Variants in TMC7 observed in about 807,000 individuals in gnomAD.
TMC7 encodes the protein transmembrane channel-like protein 7.
A neutral mutation model predicts 82.9 loss-of-function variants in TMC7; 54 were observed. The ratio of observed to expected loss-of-function variants is 0.65; its 90% CI spans 0.52 to 0.82. The LOEUF is 0.82. Ranked by LOEUF, TMC7 falls within the 40% of genes least tolerant of loss-of-function variation. The pLI, the probability that TMC7 is intolerant of heterozygous loss-of-function variation, is 0.00. For missense variants in TMC7, 820 were observed against 901.2 expected (o/e 0.91, Z 1.15); for synonymous variants, 350 against 337.9 (o/e 1.04, Z -0.39).
At chr16:19,018,379 C>G (rs755529132) in intron 3 of TMC7, among the ~76,000 whole-genome samples, 11 of 152,134 alleles carry the variant, frequency 7.2e-5, no homozygotes, top group Non-Finnish European at 1.6e-4. Context: ...TTTGGAGGCT[C>G]GAACAGGCCT....
At chr16:19,034,698 G>A (rs1377558424) in intron 6 of TMC7, among the ~76,000 whole-genome samples, 1 of 152,098 alleles carries the variant, frequency 6.6e-6, no homozygotes, top group Non-Finnish European at 1.5e-5. Context: ...ATTATAAAGG[G>A]GTTATTTGAG....
intron 1 of TMC7, among the ~76,000 whole-genome samples, chr16:19,002,234 C>CTTTTT (rs558887362): frequency 7.9e-6 from 1 of 127,104 alleles, no homozygotes; most frequent in Non-Finnish European, 1.7e-5. Context: ...TGGAGGGCCG[C>CTTTTT]TTTTTTTTTT....
chr16:18,991,614 A>G (rs1323306409), intron 1 of TMC7, among the ~76,000 whole-genome samples: 4 of 152,108 alleles, frequency 2.6e-5, no homozygotes, highest in Admixed American at 6.6e-5. Context: ...ACTTTAAGTT[A>G]TAGGGTACAT....
At chr16:19,041,493 A>G (rs1419133490) in intron 9 of TMC7, among the ~76,000 whole-genome samples, 1 of 151,876 alleles carries the variant, frequency 6.6e-6, no homozygotes, top group Non-Finnish European at 1.5e-5. Flanking sequence ...AGCCTCTCAA[A>G]TAGCTGGGAC....
intron 14 of TMC7, among the ~76,000 whole-genome samples, chr16:19,058,740 CTG>C (rs111227686): frequency 0.011 from 1,712 of 152,284 alleles, 18 homozygotes; most frequent in Middle Eastern, 0.051. Flanking sequence ...GGGTCTGGCT[CTG>C]TTGCCCAGTC....
chr16:19,003,144 A>T (rs1216759463), intron 1 of TMC7, among the ~76,000 whole-genome samples: 2 of 152,090 alleles, frequency 1.3e-5, no homozygotes, highest in Non-Finnish European at 2.9e-5. Flanking sequence ...CAGCCTAGGC[A>T]ACAAAGCAAG....
Position 18,996,635 on chromosome 16 carries a change from AG to A in TMC7, c.67+12510del. ...TGAGAACACAGGCTAAGGGAGAAGA[AG>A]GGGGAATGGAGGGCGGAAGGTTGCC... is the stretch of plus-strand genomic sequence containing the variant. On this transcript the variant is annotated intron_variant, in intron 1 of 15. Coordinates refer to ENST00000304381, the MANE Select transcript of TMC7 (RefSeq NM_024847.4). 2.6e-5 allele frequency among the ~76,000 whole-genome samples: 4 copies of A among 152,280 alleles called. No homozygotes were observed. In the Middle Eastern group the frequency reaches 0.014, roughly 518 times the overall value.
intron 2 of TMC7, among the ~76,000 whole-genome samples, chr16:19,011,711 C>G (rs1036141619): frequency 1.3e-5 from 2 of 152,056 alleles, no homozygotes; most frequent in African/African-American, 2.4e-5. Context: ...GAGTAAGACC[C>G]TGTCTCTATG....
chr16:19,035,715 G>A lies in TMC7; in HGVS notation c.897G>A (p.Glu299=). 2 of 1,614,162 alleles carry A rather than the reference G, an allele frequency of 1.2e-6. No individual in the cohort carries two copies. Among genetic ancestry groups the A allele is most frequent in the South Asian group, 1.1e-5 (1 of 91,078 alleles). ...TCAAAATCAACCTGATTCGGAGTGA[G>A]GAGCACTTTCAGAGTTACTGCAACA... is the stretch of plus-strand genomic sequence containing the variant. ...EGFKINLIRS[E]EHFQSYCNKI... is the part of the protein sequence containing the mutation. Residue 299 remains glutamate (E), a synonymous_variant, in exon 7 of 16, where the codon GAG becomes GAA. Transcript: ENST00000304381.
At chr16:18,988,984 G>A (rs1192399767) in intron 1 of TMC7, among the ~76,000 whole-genome samples, 1 of 151,566 alleles carries the variant, frequency 6.6e-6, no homozygotes, top group Non-Finnish European at 1.5e-5. Context: ...CGGGAGCAGA[G>A]GTTGCTTGCA....
At position 19,016,430 on chromosome 16, in the gene TMC7, T is replaced by C. The variant is rs754577151; in HGVS notation, c.312-20T>C. On this transcript the variant is annotated intron_variant, in intron 2 of 15. Transcript: ENST00000304381. The stretch of plus-strand genomic sequence containing the variant: ...GATGCTGCTGTTGTTGTCATTGTCA[T>C]GATCATGTTTTCCATGCAGGGACAT... 1.9e-6 allele frequency: 3 copies of C among 1,613,652 alleles called. No homozygotes were observed. The highest frequency in any genetic ancestry group is 4.5e-5 in the East Asian group (2 of 44,864).
chr16:19,025,897 A>C lies in TMC7; in HGVS notation c.711+2702A>C, dbSNP rs1960203012. 2.0e-5 allele frequency among the ~76,000 whole-genome samples: 3 copies of C among 151,946 alleles called. No individual in the cohort carries two copies. The South Asian group carries it at 6.3e-4, about 32-fold the overall frequency. ...AAGCCTCCGAAGTAGCTGGGACTAC[A>C]GGTGCATACCCCCATGCCCAGCTAA... On this transcript the variant is annotated intron_variant, in intron 5 of 15. Coordinates refer to ENST00000304381, the MANE Select transcript of TMC7 (RefSeq NM_024847.4).
intron 11 of TMC7, among the ~76,000 whole-genome samples, chr16:19,046,583 C>T (rs1299687554): frequency 6.6e-6 from 1 of 152,136 alleles, no homozygotes; most frequent in Non-Finnish European, 1.5e-5. Flanking sequence ...CACCCATAAT[C>T]CTAGCACTGG....
At chr16:18,990,121 C>T (rs1015460737) in intron 1 of TMC7, among the ~76,000 whole-genome samples, 4 of 151,858 alleles carry the variant, frequency 2.6e-5, no homozygotes, top group African/African-American at 7.3e-5. Context: ...TTGCAAAGAA[C>T]CTTCTTAAGG....
intron 3 of TMC7, 26 bp downstream of exon 3, chr16:19,016,624 G>T (rs759261005): frequency 1.2e-6 from 2 of 1,608,292 alleles, no homozygotes; most frequent in Non-Finnish European, 1.7e-6. Context: ...CTCTCTGCAG[G>T]CTCCTCCGCA....
At chr16:19,018,470 A>G (rs1421385158) in intron 3 of TMC7, among the ~76,000 whole-genome samples, 1 of 151,982 alleles carries the variant, frequency 6.6e-6, no homozygotes, top group Non-Finnish European at 1.5e-5. Flanking sequence ...TTTTATAAGG[A>G]CACTAATCCC....
intron 12 of TMC7, among the ~76,000 whole-genome samples, chr16:19,048,946 T>C (rs1433986579): frequency 6.6e-6 from 1 of 152,162 alleles, no homozygotes; most frequent in East Asian, 1.9e-4. Context: ...AATAATGCCA[T>C]GTGTCCCCAC....
At chr16:19,050,500 T>A (rs8048236) in intron 12 of TMC7, among the ~76,000 whole-genome samples, 20,016 of 152,006 alleles carry the variant, frequency 0.13, 1,400 homozygotes, top group South Asian at 0.18. Context: ...TCCTTCTTTT[T>A]TCTTTTTTGA....
At chr16:19,026,247 C>T (rs371913526) in intron 5 of TMC7, among the ~76,000 whole-genome samples, 2 of 151,574 alleles carry the variant, frequency 1.3e-5, no homozygotes, top group African/African-American at 2.4e-5. Flanking sequence ...GAGGCCGAGG[C>T]GGGTGGATCA....
Sources: gnomAD v4.1 joint callset for allele counts (sites outside exome capture counted in the v4.1 genomes callset) on GRCh38, gnomAD v4.1.1 for gene constraint, MANE v1.5 for transcripts, NCBI Gene and HGNC (gene_info 2026-07-23, HGNC 2026-07-21) for gene names.